CLEC4A: variants seen among roughly 807,000 people sequenced by gnomAD.
CLEC4A encodes the protein C-type (calcium dependent, carbohydrate-recognition domain) lectin, superfamily member 6.
A neutral mutation model predicts 32.7 loss-of-function variants in CLEC4A; 27 were observed. The observed-to-expected ratio is 0.83, with a 90% CI of 0.61 to 1.14. The LOEUF is 1.14. CLEC4A is among the 50% of genes most tolerant of loss of function. The probability of loss-of-function intolerance (pLI) is 0.00; values close to 1 mark genes in which losing one functional copy is unlikely to be tolerated. For synonymous variants in CLEC4A, 89 were observed against 93.7 expected, an observed-to-expected ratio of 0.95 and a Z score of 0.29; for missense variants, 253 against 274.6, an observed-to-expected ratio of 0.92 and a Z score of 0.55.
upstream of CLEC4A, among the ~76,000 whole-genome samples, chr12:8,119,661 C>T (rs1947815115): frequency 6.6e-6 from 1 of 152,254 alleles, no homozygotes; most frequent in Admixed American, 6.5e-5. Context: ...AGAATGGTCA[C>T]TTGCCATCAT....
chr12:8,124,854 T>TA (rs1947874941), intron 1 of CLEC4A, among the ~76,000 whole-genome samples: 1 of 152,218 alleles, frequency 6.6e-6, no homozygotes, highest in Admixed American at 6.5e-5. Flanking sequence ...GAGAAAATCA[T>TA]AATTTGCAAT....
intron 3 of CLEC4A, among the ~76,000 whole-genome samples, chr12:8,131,962 C>T (rs1948005754): frequency 6.6e-6 from 1 of 152,078 alleles, no homozygotes; most frequent in Non-Finnish European, 1.5e-5. Context: ...AGCCCAGCAT[C>T]CATTAGCTGT....
chr12:8,103,985 A>G, the CLEC4A span, among the ~76,000 whole-genome samples: 3 of 152,118 alleles, frequency 2.0e-5, no homozygotes, highest in Non-Finnish European at 4.4e-5. Context: ...TACTTCCCAT[A>G]CACCTTTCTA....
chr12:8,127,412 A>G (rs1947920295), intron 2 of CLEC4A, among the ~76,000 whole-genome samples: 1 of 152,362 alleles, frequency 6.6e-6, no homozygotes, highest in Non-Finnish European at 1.5e-5. Context: ...CAGGCGGTGG[A>G]GAAATAGACC....
At chr12:8,117,250 GT>G in the CLEC4A span, among the ~76,000 whole-genome samples, 1 of 148,172 alleles carries the variant, frequency 6.7e-6, no homozygotes, top group Non-Finnish European at 1.5e-5. Flanking sequence ...TTTTGTTTTT[GT>G]TTTTTTTGAA....
At chr12:8,103,750 A>G in the CLEC4A span, among the ~76,000 whole-genome samples, 1 of 152,048 alleles carries the variant, frequency 6.6e-6, no homozygotes, top group Non-Finnish European at 1.5e-5. Context: ...TTCTGCCTAG[A>G]ATACCTTCCC....
rs1406598550 is a variant in CLEC4A, at chr12:8,138,498, T to G, written c.*211T>G. The G allele has an allele frequency of 7.7e-5, 40 of 521,588 alleles. No individual in the cohort carries two copies. The East Asian group carries it at 1.3e-3, about 18-fold the overall frequency. 32.3% of individuals were successfully genotyped at this position (521,588 alleles called of 1,614,324 possible). A position where few individuals can be genotyped will look rare whatever the true frequency, so the allele number is the denominator to read the frequency against. On this transcript the variant is annotated 3_prime_UTR_variant, in exon 6 of 6. Transcript: ENST00000229332. Reference sequence around the variant, plus strand: ...GAGCATTTTTTCATGTGCCAGAGCCTGTACTGGAGGCCCCCATTGTGCACA... The same window carrying G: ...GAGCATTTTTTCATGTGCCAGAGCCGGTACTGGAGGCCCCCATTGTGCACA...
chr12:8,134,973 G>GA, intron 3 of CLEC4A: 1 of 290,652 alleles, frequency 3.4e-6, no homozygotes, highest in South Asian at 1.9e-4. Flanking sequence ...TTGTTGAAGC[G>GA]TTTTTGTTTT....
the CLEC4A span, among the ~76,000 whole-genome samples, chr12:8,115,096 G>C: frequency 6.6e-6 from 1 of 152,188 alleles, no homozygotes; most frequent in Admixed American, 6.5e-5. Flanking sequence ...AGTGCAGACT[G>C]TCTGTCTACC....
At chr12:8,136,684 C>A in intron 4 of CLEC4A, 104 bp from the exon 5 acceptor site, 1 of 659,002 alleles carries the variant, frequency 1.5e-6, no homozygotes, top group South Asian at 1.8e-5. Context: ...TCTAATGCAG[C>A]TGTTGCTGGA....
chr12:8,129,080 C>T lies in CLEC4A; in HGVS notation c.200-184C>T, dbSNP rs754984695. Among the ~76,000 whole-genome samples, 18 of 152,124 alleles carry T rather than the reference C, an allele frequency of 1.2e-4. 1 individual carries two copies. In the East Asian group the frequency reaches 3.1e-3, roughly 26 times the overall value. On this transcript the variant is annotated intron_variant, in intron 2 of 5. Transcript: ENST00000229332. ...ATGATGGAACTGTTGTGTCCTCTTC[C>T]AACTACTGATCTTTCAGCTATTCCT...
chr12:8,136,283 G>C (rs551626809), intron 4 of CLEC4A, among the ~76,000 whole-genome samples: 199 of 152,332 alleles, frequency 1.3e-3, no homozygotes, highest in Admixed American at 3.2e-3. Flanking sequence ...CTTCCATACT[G>C]GCTGGGCATG....
chr12:8,125,228 TTATGG>T (rs1947880442), intron 1 of CLEC4A, among the ~76,000 whole-genome samples: 2 of 152,138 alleles, frequency 1.3e-5, no homozygotes. Context: ...AAATCAGTAT[TTATGG>T]TATGTCAATC....
At position 8,123,833 on chromosome 12, in the gene CLEC4A, G is replaced by A; in HGVS notation, c.-46G>A. On this transcript the variant is annotated 5_prime_UTR_variant, in exon 1 of 6. Coordinates refer to ENST00000229332, the MANE Select transcript of CLEC4A (RefSeq NM_016184.4). ...CCTGTTTATAAGATGTTTTAAGAAA[G>A]ATCTGAAACAGATTTTCTGAAGAAA... is the stretch of plus-strand genomic sequence containing the variant. 1 of 1,340,370 alleles carries A rather than the reference G, an allele frequency of 7.5e-7. No homozygotes were observed. Among genetic ancestry groups the A allele is most frequent in the Non-Finnish European group, 1.1e-6 (1 of 931,842 alleles). The allele number at this position is 1,340,370 out of a possible 1,614,324, so 83.0% of individuals were successfully genotyped here. A position where few individuals can be genotyped will look rare whatever the true frequency, so the allele number is the denominator to read the frequency against.
At chr12:8,135,449 G>T in intron 3 of CLEC4A, 136 bp from the exon 4 acceptor site, 2 of 784,126 alleles carry the variant, frequency 2.6e-6, no homozygotes, top group Non-Finnish European at 3.8e-6. Flanking sequence ...GAGGGGCAGG[G>T]GCTCCTGGTT....
At chr12:8,135,817 A>G in intron 4 of CLEC4A, 81 bp downstream of exon 4, 1 of 1,460,086 alleles carries the variant, frequency 6.8e-7, no homozygotes, top group African/African-American at 1.4e-5. Context: ...GGTTTTTGTT[A>G]CTTTGGGATA....
chr12:8,104,217 C>G, the CLEC4A span, among the ~76,000 whole-genome samples: 1 of 150,616 alleles, frequency 6.6e-6, no homozygotes, highest in African/African-American at 2.4e-5. Context: ...AGTCCATTAC[C>G]TTAAATGTTT....
In CLEC4A at chr12:8,135,721, C is replaced by T. The variant is rs1272365137; in HGVS notation, c.435C>T (p.Asn145=). ...TGGAGGCTCACCTGCTGGTGATAAA[C>T]ACTCAAGAAGAGCAGGTACTTTCTA... The part of the protein sequence containing the change: ...ARMEAHLLVI[N]TQEEQDFIFQ... Residue 145 remains asparagine (N), a synonymous_variant, in exon 4 of 6, where the codon AAC becomes AAT. Coordinates refer to ENST00000229332, the MANE Select transcript of CLEC4A (RefSeq NM_016184.4). 1 of 1,614,060 alleles carries T rather than the reference C, an allele frequency of 6.2e-7. No individual in the cohort carries two copies.
At chr12:8,110,722 A>G in the CLEC4A span, among the ~76,000 whole-genome samples, 1 of 152,080 alleles carries the variant, frequency 6.6e-6, no homozygotes, top group African/African-American at 2.4e-5. Context: ...TCCTTCCCCC[A>G]TCCCCTAACT....
Sources: allele counts gnomAD v4.1 joint callset (sites outside exome capture counted in the v4.1 genomes callset), GRCh38; gene constraint gnomAD v4.1.1; transcripts MANE v1.5; gene names NCBI Gene and HGNC (gene_info 2026-07-23, HGNC 2026-07-21).